Variants in ZFPM2 observed in about 807,000 individuals in gnomAD.
The protein encoded by ZFPM2 is zinc finger protein ZFPM2.
Under a neutral mutation model 98.6 loss-of-function variants are expected in ZFPM2, and 20 were observed. The observed-to-expected ratio is 0.20, with a 90% CI of 0.14 to 0.29. The LOEUF is 0.29. ZFPM2 is among the 10% of genes least tolerant of loss of function. ZFPM2 has a pLI of 1.00. For synonymous variants in ZFPM2, 518 were observed against 502.7 expected (o/e 1.03, Z -0.41); for missense variants, 1,310 against 1,388.6 (o/e 0.94, Z 0.90).
intron 5 of ZFPM2, among the ~76,000 whole-genome samples, chr8:105,746,062 A>G (rs552617659): frequency 1.3e-5 from 2 of 151,606 alleles, no homozygotes; most frequent in East Asian, 3.9e-4. Context: ...CCGAACCACC[A>G]CTCCTGCCCA....
intron 5 of ZFPM2, among the ~76,000 whole-genome samples, chr8:105,643,840 C>T (rs1300081984): frequency 6.6e-6 from 1 of 152,112 alleles, no homozygotes; most frequent in Non-Finnish European, 1.5e-5. Context: ...ACACGTAATG[C>T]TCCAAGGATC....
At chr8:105,717,544 A>C (rs1436080429) in intron 5 of ZFPM2, among the ~76,000 whole-genome samples, 1 of 151,968 alleles carries the variant, frequency 6.6e-6, no homozygotes, top group African/African-American at 2.4e-5. Context: ...AGCACATAGT[A>C]GATAACTTAA....
At chr8:105,799,008 A>G in intron 7 of ZFPM2, 60 bp downstream of exon 7, 2 of 1,429,074 alleles carry the variant, frequency 1.4e-6, no homozygotes, top group Middle Eastern at 1.8e-4. Flanking sequence ...TTATAAATAT[A>G]TATGCATTAC....
intron 5 of ZFPM2, among the ~76,000 whole-genome samples, chr8:105,738,916 A>G (rs1274746764): frequency 2.0e-5 from 3 of 152,106 alleles, no homozygotes; most frequent in Non-Finnish European, 4.4e-5. Context: ...ATGCCTTACT[A>G]TTAGAAGAAT....
At chr8:105,590,191 A>T (rs1815812138) in intron 4 of ZFPM2, among the ~76,000 whole-genome samples, 1 of 152,160 alleles carries the variant, frequency 6.6e-6, no homozygotes, top group Admixed American at 6.5e-5. Context: ...CCCTTGCAGT[A>T]TTAGTAAAGG....
At chr8:105,792,629 C>T (rs950728842) in intron 6 of ZFPM2, among the ~76,000 whole-genome samples, 2 of 152,104 alleles carry the variant, frequency 1.3e-5, no homozygotes, top group Non-Finnish European at 2.9e-5. Flanking sequence ...AGTTCAATTC[C>T]TGGGTATCCT....
At chr8:105,449,269 A>C (rs1232680630) in intron 3 of ZFPM2, among the ~76,000 whole-genome samples, 1 of 152,046 alleles carries the variant, frequency 6.6e-6, no homozygotes, top group Non-Finnish European at 1.5e-5. Flanking sequence ...CTAATAAAGG[A>C]AAATATCATG....
At chr8:105,758,142 A>G (rs1438445703) in intron 5 of ZFPM2, among the ~76,000 whole-genome samples, 1 of 152,138 alleles carries the variant, frequency 6.6e-6, no homozygotes, top group Non-Finnish European at 1.5e-5. Context: ...TCTTGTTTTC[A>G]ACAAACTTTC....
chr8:105,533,097 T>A (rs752250000), intron 3 of ZFPM2, among the ~76,000 whole-genome samples: 1 of 152,116 alleles, frequency 6.6e-6, no homozygotes, highest in Non-Finnish European at 1.5e-5. Flanking sequence ...TCTCTCAATA[T>A]TTACATAACA....
At chr8:105,726,792 A>G (rs1197674278) in intron 5 of ZFPM2, among the ~76,000 whole-genome samples, 2 of 151,778 alleles carry the variant, frequency 1.3e-5, no homozygotes, top group African/African-American at 2.4e-5. Flanking sequence ...CTGCTAAAAC[A>G]TCATGATGGA....
intron 1 of ZFPM2, among the ~76,000 whole-genome samples, chr8:105,397,437 T>C (rs1811245357): frequency 1.3e-5 from 2 of 152,194 alleles, no homozygotes; most frequent in Admixed American, 1.3e-4. Context: ...ACTGCTTTTG[T>C]TGATCACTGT....
At chr8:105,484,223 T>C (rs1371101470) in intron 3 of ZFPM2, among the ~76,000 whole-genome samples, 2 of 152,132 alleles carry the variant, frequency 1.3e-5, no homozygotes, top group Admixed American at 1.3e-4. Context: ...TTCACTATAT[T>C]CTTTTCTTTT....
chr8:105,377,430 T>C (rs1810749071), intron 1 of ZFPM2, among the ~76,000 whole-genome samples: 1 of 151,886 alleles, frequency 6.6e-6, no homozygotes, highest in Admixed American at 6.6e-5. Context: ...GAGTACCTGT[T>C]ATATAGTAGT....
At chr8:105,638,092 G>A (rs2130846269) in intron 5 of ZFPM2, among the ~76,000 whole-genome samples, 1 of 152,036 alleles carries the variant, frequency 6.6e-6, no homozygotes, top group Admixed American at 6.6e-5. Flanking sequence ...TCTATCGTCT[G>A]GCTCTTCTTT....
chr8:105,678,743 A>G (rs1446888731), intron 5 of ZFPM2: 3 of 152,216 alleles, frequency 2.0e-5, no homozygotes, highest in African/African-American at 4.8e-5. Context: ...TCCATGTACA[A>G]GTGCTTAAAT....
chr8:105,489,466 A>ATATATATATATATATATTTTTTT (rs1554610604), intron 3 of ZFPM2, among the ~76,000 whole-genome samples: 6 of 119,772 alleles, frequency 5.0e-5, no homozygotes, highest in African/African-American at 1.8e-4. Context: ...ATATATATAT[A>ATATATATATATATATATTTTTTT]TTTTTTTTTT....
intron 4 of ZFPM2, among the ~76,000 whole-genome samples, chr8:105,590,762 GCACA>G (rs71305167): frequency 0.02 from 2,958 of 149,904 alleles, 33 homozygotes; most frequent in Non-Finnish European, 0.031. Flanking sequence ...ACGTGCGCAC[GCACA>G]CACACACACA....
intron 1 of ZFPM2, chr8:105,358,572 C>T (rs1332259048): frequency 1.3e-5 from 2 of 152,294 alleles, no homozygotes; most frequent in Non-Finnish European, 2.9e-5. Context: ...TTGCCTCAGA[C>T]CCACTGACAC....
chr8:105,467,624 A>C (rs1422745037), intron 3 of ZFPM2, among the ~76,000 whole-genome samples: 1 of 152,142 alleles, frequency 6.6e-6, no homozygotes, highest in South Asian at 2.1e-4. Context: ...TCAGGTAGTT[A>C]CCATGTCACC....
Sources: gnomAD v4.1 joint callset for allele counts (sites outside exome capture counted in the v4.1 genomes callset) on GRCh38, gnomAD v4.1.1 for gene constraint, MANE v1.5 for transcripts, NCBI Gene and HGNC (gene_info 2026-07-23, HGNC 2026-07-21) for gene names.